The following TYR variants were observed in gnomAD, a reference collection of about 807,000 sequenced individuals.
TYR encodes the protein tyrosinase, also known as LB24-AB.
In TYR, 58 loss-of-function variants were observed where a neutral mutation model predicts 51.5. The observed-to-expected ratio is 1.13, with a 90% CI of 0.91 to 1.40. TYR has a LOEUF of 1.40. Among genes scored for constraint, TYR ranks in the 40% most tolerant of loss-of-function variants. The probability of loss-of-function intolerance (pLI) is 0.00; values close to 1 mark genes in which losing one functional copy is unlikely to be tolerated. For missense variants in TYR, 732 were observed against 647.4 expected, an observed-to-expected ratio of 1.13 and a Z score of -1.42; for synonymous variants, 263 against 235.2, an observed-to-expected ratio of 1.12 and a Z score of -1.08.
chr11:89,207,292 A>C (rs35434176), intron 2 of TYR, among the ~76,000 whole-genome samples: 34,867 of 152,032 alleles, frequency 0.23, 6,374 homozygotes, highest in African/African-American at 0.51. Context: ...AGGGATATCA[A>C]TACAGATCTT....
intron 1 of TYR, among the ~76,000 whole-genome samples, chr11:89,187,168 C>T (rs769918242): frequency 6.6e-6 from 1 of 152,118 alleles, no homozygotes; most frequent in African/African-American, 2.4e-5. Context: ...TACCTATTCC[C>T]TGTAGATTGA....
At chr11:89,210,028 A>C (rs535197469) in intron 2 of TYR, among the ~76,000 whole-genome samples, 1 of 152,288 alleles carries the variant, frequency 6.6e-6, no homozygotes, top group East Asian at 1.9e-4. Context: ...GAGTAGAAAG[A>C]CTGAAAATTC....
chr11:89,290,767 G>T (rs1269673817), intron 4 of TYR, among the ~76,000 whole-genome samples: 1 of 151,964 alleles, frequency 6.6e-6, no homozygotes, highest in Non-Finnish European at 1.5e-5. Flanking sequence ...GAGTCACATA[G>T]CCATGACTTG....
intron 2 of TYR, among the ~76,000 whole-genome samples, chr11:89,196,615 G>A (rs1943522990): frequency 6.6e-6 from 1 of 152,118 alleles, no homozygotes; most frequent in South Asian, 2.1e-4. Flanking sequence ...ATTAATCATA[G>A]GTAGGACCAA....
At chr11:89,192,380 G>A (rs917548485) in intron 2 of TYR, among the ~76,000 whole-genome samples, 8 of 152,088 alleles carry the variant, frequency 5.3e-5, no homozygotes, top group Admixed American at 6.6e-5. Flanking sequence ...GCACTGACTT[G>A]TGGCAAGGCA....
At chr11:89,182,173 A>G (rs1943308772) in intron 1 of TYR, among the ~76,000 whole-genome samples, 1 of 152,140 alleles carries the variant, frequency 6.6e-6, no homozygotes, top group African/African-American at 2.4e-5. Flanking sequence ...CAGTCGCTCC[A>G]AGGTGGTGAT....
chr11:89,280,732 T>C (rs1944711728), intron 3 of TYR, among the ~76,000 whole-genome samples: 1 of 151,450 alleles, frequency 6.6e-6, no homozygotes, highest in Non-Finnish European at 1.5e-5. Flanking sequence ...TTGCCATGAC[T>C]TGTAATTTTT....
chr11:89,247,657 T>A (rs1944283448), intron 3 of TYR, among the ~76,000 whole-genome samples: 1 of 152,176 alleles, frequency 6.6e-6, no homozygotes, highest in Non-Finnish European at 1.5e-5. Flanking sequence ...TAATTCAAAT[T>A]GTTTATTTTA....
chr11:89,219,535 T>A (rs900417654), intron 2 of TYR, among the ~76,000 whole-genome samples: 1 of 152,088 alleles, frequency 6.6e-6, no homozygotes, highest in African/African-American at 2.4e-5. Context: ...GTGATCCACC[T>A]GTCTCGGCCT....
Position 89,178,090 on chromosome 11 carries a change from G to T in TYR, c.137G>T (p.Cys46Phe). ...CCGTGGAGCGGGGACAGGAGTCCCT[G>T]TGGCCAGCTTTCAGGCAGAGGTTCC... Reference protein sequence around the residue: ...CPPWSGDRSPCGQLSGRGSCQ... With the variant: ...CPPWSGDRSPFGQLSGRGSCQ... Residue 46 changes from cysteine (C) to phenylalanine (F), a missense_variant, in exon 1 of 5, where the codon TGT becomes TTT. Transcript: ENST00000263321. 1 of 1,614,210 alleles carries T rather than the reference G, an allele frequency of 6.2e-7. No homozygotes were observed. The highest frequency in any genetic ancestry group is 1.1e-5 in the South Asian group (1 of 91,082).
chr11:89,227,696 G>C, intron 2 of TYR, 127 bp from the exon 3 acceptor site: 1 of 838,124 alleles, frequency 1.2e-6, no homozygotes, highest in African/African-American at 1.7e-5. Context: ...AATACGGAAT[G>C]AATTTTATTT....
At chr11:89,245,711 A>G (rs557633917) in intron 3 of TYR, among the ~76,000 whole-genome samples, 7 of 152,266 alleles carry the variant, frequency 4.6e-5, no homozygotes, top group Non-Finnish European at 5.9e-5. Context: ...TTATGAGGTC[A>G]GGAGATCAAG....
At chr11:89,186,804 G>T (rs12799349) in intron 1 of TYR, among the ~76,000 whole-genome samples, 1 of 151,942 alleles carries the variant, frequency 6.6e-6, no homozygotes, top group Non-Finnish European at 1.5e-5. Context: ...AGTAATTGAG[G>T]TTAAGTGAGG....
intron 3 of TYR, among the ~76,000 whole-genome samples, chr11:89,271,580 C>T (rs896552340): frequency 9.2e-5 from 14 of 152,006 alleles, no homozygotes; most frequent in African/African-American, 3.4e-4. Context: ...TGGTTGCTGA[C>T]TGATCAGGGT....
intron 1 of TYR, among the ~76,000 whole-genome samples, chr11:89,188,450 G>T (rs780132380): frequency 6.6e-6 from 1 of 152,002 alleles, no homozygotes; most frequent in Non-Finnish European, 1.5e-5. Flanking sequence ...CACAGATAAA[G>T]CAGAAATTAG....
At chr11:89,256,903 T>A (rs1472897293) in intron 3 of TYR, among the ~76,000 whole-genome samples, 1 of 151,882 alleles carries the variant, frequency 6.6e-6, no homozygotes. Context: ...AGTATACTAG[T>A]GCTCTACAGA....
intron 3 of TYR, among the ~76,000 whole-genome samples, chr11:89,239,969 T>C (rs1034104565): frequency 3.9e-5 from 6 of 152,224 alleles, no homozygotes; most frequent in Non-Finnish European, 8.8e-5. Flanking sequence ...TGATCTATCC[T>C]TATGATAAAC....
chr11:89,197,433 T>C (rs1943535634), intron 2 of TYR, among the ~76,000 whole-genome samples: 1 of 152,194 alleles, frequency 6.6e-6, no homozygotes, highest in South Asian at 2.1e-4. Context: ...CATTAAATGT[T>C]AGCTGTCATC....
chr11:89,224,532 T>C (rs567887542), intron 2 of TYR, among the ~76,000 whole-genome samples: 8 of 152,294 alleles, frequency 5.3e-5, no homozygotes, highest in African/African-American at 1.9e-4. Context: ...AAGGGGTACA[T>C]GGTGCAGAGA....
Sources: allele counts gnomAD v4.1 joint callset (sites outside exome capture counted in the v4.1 genomes callset), GRCh38; gene constraint gnomAD v4.1.1; transcripts MANE v1.5; gene names NCBI Gene and HGNC (gene_info 2026-07-23, HGNC 2026-07-21).